Variants in SLC41A2 observed in about 807,000 individuals in gnomAD.
SLC41A2 encodes the protein SLC41A1-like 1.
A neutral mutation model predicts 58.3 loss-of-function variants in SLC41A2; 32 were observed. The ratio of observed to expected loss-of-function variants is 0.55; its 90% CI spans 0.41 to 0.74. The LOEUF (loss-of-function observed/expected upper bound fraction) is 0.74. SLC41A2 is among the 30% of genes least tolerant of loss of function. The pLI is 0.00. For missense variants in SLC41A2, 514 were observed against 680.6 expected (o/e 0.76, Z 2.72); for synonymous variants, 190 against 235.0 (o/e 0.81, Z 1.75).
At chr12:104,935,123 A>G (rs1018422046) in intron 1 of SLC41A2, among the ~76,000 whole-genome samples, 1 of 150,496 alleles carries the variant, frequency 6.6e-6, no homozygotes, top group African/African-American at 2.5e-5. Context: ...ACGCCCGGCT[A>G]ATTTTTTGTA....
At chr12:104,827,938 G>T (rs896636484) in intron 10 of SLC41A2, among the ~76,000 whole-genome samples, 1 of 152,146 alleles carries the variant, frequency 6.6e-6, no homozygotes, top group Non-Finnish European at 1.5e-5. Flanking sequence ...GTAGAGGAGG[G>T]CATAGTCCCT....
intron 7 of SLC41A2, among the ~76,000 whole-genome samples, chr12:104,862,459 T>C (rs1593018182): frequency 6.6e-6 from 1 of 152,098 alleles, no homozygotes; most frequent in African/African-American, 2.4e-5. Flanking sequence ...AATATATAGA[T>C]CATGTTGTGG....
At chr12:104,946,483 A>T (rs1430075133) in intron 1 of SLC41A2, among the ~76,000 whole-genome samples, 1 of 152,182 alleles carries the variant, frequency 6.6e-6, no homozygotes, top group African/African-American at 2.4e-5. Flanking sequence ...TACATTGCTC[A>T]GACTGGTCTT....
chr12:104,923,769 A>C (rs1045738748), intron 2 of SLC41A2, among the ~76,000 whole-genome samples: 1 of 152,194 alleles, frequency 6.6e-6, no homozygotes, highest in Non-Finnish European at 1.5e-5. Context: ...GAAGAAATAG[A>C]AAACCTCAAG....
intron 5 of SLC41A2, among the ~76,000 whole-genome samples, chr12:104,887,712 T>C (rs2044742100): frequency 6.6e-6 from 1 of 152,002 alleles, no homozygotes; most frequent in East Asian, 1.9e-4. Context: ...AAAACAAATA[T>C]TTTGTATGTA....
intron 8 of SLC41A2, among the ~76,000 whole-genome samples, chr12:104,853,638 G>A (rs929254871): frequency 3.3e-5 from 5 of 151,974 alleles, no homozygotes; most frequent in African/African-American, 1.2e-4. Flanking sequence ...TAGACAAGGT[G>A]GTAAATGGCT....
At chr12:104,906,092 G>GT (rs1194532458) in intron 3 of SLC41A2, among the ~76,000 whole-genome samples, 4 of 152,178 alleles carry the variant, frequency 2.6e-5, no homozygotes, top group African/African-American at 9.6e-5. Flanking sequence ...CTACATAAAA[G>GT]TTTTTTTGTT....
intron 2 of SLC41A2, among the ~76,000 whole-genome samples, chr12:104,917,584 A>G (rs1254153756): frequency 6.6e-6 from 1 of 151,650 alleles, no homozygotes; most frequent in Non-Finnish European, 1.5e-5. Context: ...CCAAATATCC[A>G]ACAATGATAG....
intron 1 of SLC41A2, among the ~76,000 whole-genome samples, chr12:104,955,479 C>T (rs2135998690): frequency 6.6e-6 from 1 of 152,270 alleles, no homozygotes; most frequent in African/African-American, 2.4e-5. Context: ...CCCGGTGTTT[C>T]CTCTCAGTAC....
chr12:104,919,721 A>T (rs1276842691), intron 2 of SLC41A2, among the ~76,000 whole-genome samples: 1 of 152,158 alleles, frequency 6.6e-6, no homozygotes, highest in Non-Finnish European at 1.5e-5. Context: ...GTTCTTACAT[A>T]TACTAATCCT....
intron 3 of SLC41A2, among the ~76,000 whole-genome samples, chr12:104,909,191 T>C (rs1355282573): frequency 6.6e-6 from 1 of 152,234 alleles, no homozygotes; most frequent in African/African-American, 2.4e-5. Context: ...AGCATAGATA[T>C]GCAGGTATAG....
At position 104,864,525 on chromosome 12, in the gene SLC41A2, T is replaced by C. The variant is rs1450422033; in HGVS notation, c.1175+1907A>G. On this transcript the variant is annotated intron_variant, in intron 7 of 10. Coordinates refer to ENST00000258538, the MANE Select transcript of SLC41A2 (RefSeq NM_001352171.3). ...AATATGCTTTCACTTGGGTCCCACC[T>C]ACTTTAATTTATTGCACTGGGTACT... 2.0e-5 allele frequency among the ~76,000 whole-genome samples: 3 copies of C among 152,228 alleles called. No homozygotes were observed. The East Asian group carries it at 5.8e-4, about 29-fold the overall frequency.
chr12:104,832,255 C>T (rs533704026), intron 10 of SLC41A2, among the ~76,000 whole-genome samples: 20 of 152,168 alleles, frequency 1.3e-4, no homozygotes, highest in Non-Finnish European at 2.2e-4. Flanking sequence ...CCTGTCTTTA[C>T]GGATTATCTC....
chr12:104,928,521 TAGTCATA>T lies in SLC41A2; in HGVS notation c.-1_6del, dbSNP rs1243116511. 4 of 1,498,978 alleles carry T rather than the reference TAGTCATA, an allele frequency of 2.7e-6. No individual in the cohort carries two copies. Among genetic ancestry groups the T allele is most frequent in the Non-Finnish European group, 3.6e-6 (4 of 1,123,056 alleles). The allele number at this position is 1,498,978 out of a possible 1,614,324, so 92.9% of individuals were successfully genotyped here. On this transcript the variant is annotated start_lost and 5_prime_UTR_variant, in exon 2 of 11. Coordinates refer to ENST00000258538, the MANE Select transcript of SLC41A2 (RefSeq NM_001352171.3). The stretch of plus-strand genomic sequence containing the variant: ...TCGGTAATAGATCTTCCTTTACTAT[TAGTCATA>T]TTGTCATCACAAAAGACCCTGTACT...
intron 7 of SLC41A2, among the ~76,000 whole-genome samples, chr12:104,861,715 G>T (rs1370504016): frequency 1.3e-5 from 2 of 152,020 alleles, no homozygotes; most frequent in African/African-American, 4.8e-5. Flanking sequence ...GGGACTGACG[G>T]TCATTTTATA....
intron 1 of SLC41A2, among the ~76,000 whole-genome samples, chr12:104,929,820 G>A (rs992639279): frequency 6.6e-6 from 1 of 152,234 alleles, no homozygotes; most frequent in Admixed American, 6.5e-5. Flanking sequence ...ACTGAGAATT[G>A]TTGCTGCTAC....
chr12:104,853,772 C>T (rs1416281468), intron 8 of SLC41A2, among the ~76,000 whole-genome samples: 1 of 150,818 alleles, frequency 6.6e-6, no homozygotes. Flanking sequence ...GAGACAGGGT[C>T]CTGCTCTGTT....
intron 7 of SLC41A2, among the ~76,000 whole-genome samples, chr12:104,862,354 G>A (rs915742341): frequency 6.6e-6 from 1 of 152,128 alleles, no homozygotes. Context: ...GTCCTCTTTA[G>A]AAATATTTTA....
chr12:104,806,092 T>G (rs963115748), intron 10 of SLC41A2, among the ~76,000 whole-genome samples: 6 of 152,180 alleles, frequency 3.9e-5, no homozygotes, highest in Non-Finnish European at 8.8e-5. Flanking sequence ...ACTTTAAGTT[T>G]TAGGGTACAT....
Sources: gnomAD v4.1 joint callset for allele counts (sites outside exome capture counted in the v4.1 genomes callset) on GRCh38, gnomAD v4.1.1 for gene constraint, MANE v1.5 for transcripts, NCBI Gene and HGNC (gene_info 2026-07-23, HGNC 2026-07-21) for gene names.